Variants in GRB10 observed in about 807,000 individuals in gnomAD.
GRB10 encodes the protein growth factor receptor-bound protein 10.
GRB10 carries 20 observed loss-of-function variants against 80.9 expected under a neutral mutation model. The ratio of observed to expected loss-of-function variants is 0.25; its 90% CI spans 0.17 to 0.36. GRB10 has a LOEUF of 0.36. Ranked by LOEUF, GRB10 falls within the 10% of genes least tolerant of loss-of-function variation. GRB10 has a pLI of 1.00. For missense variants in GRB10, 548 were observed against 747.7 expected (o/e 0.73, Z 3.12); for synonymous variants, 291 against 291.5 (o/e 1.00, Z 0.02).
At chr7:50,728,531 C>G (rs971518943) in intron 4 of GRB10, among the ~76,000 whole-genome samples, 5 of 152,068 alleles carry the variant, frequency 3.3e-5, no homozygotes, top group Admixed American at 2.6e-4. Context: ...AGCCTCTGTC[C>G]ATCCAAAAAG....
chr7:50,766,569 T>A (rs776682628), intron 2 of GRB10, among the ~76,000 whole-genome samples: 1 of 147,686 alleles, frequency 6.8e-6, no homozygotes, highest in African/African-American at 2.5e-5. Flanking sequence ...GGAAACATAA[T>A]GTAATTGTAA....
At chr7:50,743,451 G>A (rs535568965) in intron 3 of GRB10, among the ~76,000 whole-genome samples, 9 of 152,298 alleles carry the variant, frequency 5.9e-5, no homozygotes, top group South Asian at 2.1e-4. Context: ...GCAGTGCTGC[G>A]AAGCACAGCA....
At chr7:50,717,261 G>C (rs1258620315) in intron 4 of GRB10, among the ~76,000 whole-genome samples, 2 of 152,350 alleles carry the variant, frequency 1.3e-5, no homozygotes, top group Non-Finnish European at 1.5e-5. Context: ...CTTCCACTCA[G>C]AGGTGAACCT....
intron 6 of GRB10, among the ~76,000 whole-genome samples, chr7:50,674,232 T>G (rs554115214): frequency 6.6e-6 from 1 of 152,224 alleles, no homozygotes; most frequent in African/African-American, 2.4e-5. Flanking sequence ...ACTACTGGAA[T>G]TGAACTGGCT....
At chr7:50,684,854 T>C (rs1444390911) in intron 5 of GRB10, among the ~76,000 whole-genome samples, 2 of 152,224 alleles carry the variant, frequency 1.3e-5, no homozygotes, top group Non-Finnish European at 2.9e-5. Context: ...CTAACTCTTC[T>C]ATTACATCAC....
chr7:50,621,673 T>C (rs2051777755), intron 8 of GRB10, among the ~76,000 whole-genome samples: 1 of 152,376 alleles, frequency 6.6e-6, no homozygotes, highest in South Asian at 2.1e-4. Flanking sequence ...TGACCTTGCA[T>C]GATTATAAAC....
Position 50,592,329 on chromosome 7 carries a change from G to C in GRB10, c.*623C>G, listed in dbSNP as rs1406263407. The stretch of plus-strand genomic sequence containing the variant: ...ACAGTGACACCTTTTATTTTAACAA[G>C]AAAGCTTTTCAAGTATACTGGGAAG... On this transcript the variant is annotated 3_prime_UTR_variant, in exon 19 of 19. Transcript: ENST00000401949. The C allele has an allele frequency of 1.3e-5, 2 of 155,922 alleles. No individual in the cohort carries two copies. The highest frequency in any genetic ancestry group is 2.8e-5 in the Non-Finnish European group (2 of 70,422). The allele number at this position is 155,922 out of a possible 1,614,324, so 9.7% of individuals were successfully genotyped here. A position where few individuals can be genotyped will look rare whatever the true frequency, so the allele number is the denominator to read the frequency against.
chr7:50,709,028 G>T (rs972505929), intron 4 of GRB10, among the ~76,000 whole-genome samples: 1 of 152,180 alleles, frequency 6.6e-6, no homozygotes, highest in African/African-American at 2.4e-5. Context: ...ACCTCTAGGG[G>T]AAGGTGAAAG....
chr7:50,628,010 C>T (rs1419837063), intron 7 of GRB10, among the ~76,000 whole-genome samples: 2 of 152,150 alleles, frequency 1.3e-5, no homozygotes, highest in African/African-American at 2.4e-5. Flanking sequence ...AATCACCCCA[C>T]GGACTTGCTC....
At chr7:50,650,744 A>C (rs1196535550) in intron 7 of GRB10, among the ~76,000 whole-genome samples, 1 of 152,206 alleles carries the variant, frequency 6.6e-6, no homozygotes, top group Non-Finnish European at 1.5e-5. Flanking sequence ...TACTAAGCCC[A>C]AGGCTACGAC....
intron 16 of GRB10, 23 bp from the exon 17 acceptor site, chr7:50,604,108 G>T: frequency 6.3e-7 from 1 of 1,590,072 alleles, no homozygotes; most frequent in Non-Finnish European, 8.6e-7. Context: ...GACAGGAGGA[G>T]GGTAGGATGG....
In GRB10 at chr7:50,703,801, G is replaced by C; in HGVS notation, c.139+20C>G. ...CAAAGCTAGAACTGGGAGTGTTCTT[G>C]TGTTTTGCTCATTCCTTACCCTGGT... On this transcript the variant is annotated intron_variant, in intron 5 of 18. Transcript: ENST00000401949. 6.3e-7 allele frequency: 1 copy of C among 1,577,642 alleles called. No homozygotes were observed. Among genetic ancestry groups the C allele is most frequent in the Non-Finnish European group, 8.7e-7 (1 of 1,147,368 alleles).
chr7:50,626,283 G>A lies in GRB10; in HGVS notation c.661+539C>T, dbSNP rs1585900484. Among the ~76,000 whole-genome samples the A allele has an allele frequency of 2.6e-5, 4 of 152,352 alleles. No homozygotes were observed. In the South Asian group the frequency reaches 8.3e-4, roughly 32 times the overall value. On this transcript the variant is annotated intron_variant, in intron 8 of 18. Coordinates refer to ENST00000401949, the MANE Select transcript of GRB10 (RefSeq NM_001350814.2). ...ACACTGTTCAAAGCCTTATTAACCA[G>A]CAGGCAGAGATGCCATGTAAGACTC...
At chr7:50,617,753 G>A in intron 10 of GRB10, 1 of 442,252 alleles carries the variant, frequency 2.3e-6, no homozygotes, top group Non-Finnish European at 4.1e-6. Context: ...AGGGAGCCCT[G>A]AGACTGGGGT....
intron 7 of GRB10, among the ~76,000 whole-genome samples, chr7:50,663,173 CAG>C (rs1326247477): frequency 1.3e-5 from 2 of 152,286 alleles, no homozygotes; most frequent in East Asian, 3.9e-4. Context: ...ACTCCTGCTG[CAG>C]AGTGAGATGC....
At chr7:50,596,400 T>C (rs759718139) in intron 17 of GRB10, among the ~76,000 whole-genome samples, 1 of 152,222 alleles carries the variant, frequency 6.6e-6, no homozygotes. Flanking sequence ...CAAAAATGCA[T>C]AGCCTGAATC....
intron 4 of GRB10, among the ~76,000 whole-genome samples, chr7:50,724,763 C>T (rs974984454): frequency 6.6e-6 from 1 of 152,154 alleles, no homozygotes; most frequent in Admixed American, 6.5e-5. Flanking sequence ...CGCAGAGAGA[C>T]GGAAGTGATT....
At chr7:50,735,872 A>AAAAACAAAAC (rs555893091) in intron 3 of GRB10, among the ~76,000 whole-genome samples, 1 of 152,176 alleles carries the variant, frequency 6.6e-6, no homozygotes, top group South Asian at 2.1e-4. Flanking sequence ...CTACAGGAAA[A>AAAAACAAAAC]AAAACAAAAC....
chr7:50,660,582 T>C (rs1394666990), intron 7 of GRB10, among the ~76,000 whole-genome samples: 4 of 150,912 alleles, frequency 2.7e-5, no homozygotes, highest in Non-Finnish European at 5.9e-5. Context: ...CCAAGTGCCG[T>C]GGGCAGGAGC....
Sources: gnomAD v4.1 joint callset for allele counts (sites outside exome capture counted in the v4.1 genomes callset) on GRCh38, gnomAD v4.1.1 for gene constraint, MANE v1.5 for transcripts, NCBI Gene and HGNC (gene_info 2026-07-23, HGNC 2026-07-21) for gene names.